EYS: variants seen among roughly 807,000 people sequenced by gnomAD.
The protein encoded by EYS is EGF-like photoreceptor maintenance factor.
Under a neutral mutation model 282.1 loss-of-function variants are expected in EYS, and 250 were observed. That is an observed-to-expected ratio of 0.89 (90% CI 0.80 to 0.98). The LOEUF (loss-of-function observed/expected upper bound fraction) is 0.98. EYS is among the 50% of genes least tolerant of loss of function. The pLI is 0.00. For synonymous variants in EYS, 1,355 were observed against 1,282.9 expected, an observed-to-expected ratio of 1.06 and a Z score of -1.20; for missense variants, 4,016 against 3,709.0, an observed-to-expected ratio of 1.08 and a Z score of -2.15.
intron 28 of EYS, among the ~76,000 whole-genome samples, chr6:64,408,924 G>T (rs927059137): frequency 6.6e-6 from 1 of 152,120 alleles, no homozygotes; most frequent in African/African-American, 2.4e-5. Flanking sequence ...CCAATAGGAA[G>T]ATTTTCATTC....
At chr6:63,933,840 C>T (rs1201403435) in intron 35 of EYS, among the ~76,000 whole-genome samples, 1 of 152,074 alleles carries the variant, frequency 6.6e-6, no homozygotes, top group African/African-American at 2.4e-5. Context: ...GAGAGAGAGA[C>T]ACACACACAT....
intron 11 of EYS, chr6:65,331,355 T>A (rs1769790470): frequency 2.2e-5 from 16 of 734,156 alleles, no homozygotes; most frequent in Non-Finnish European, 2.5e-5. Flanking sequence ...AGGGTCTTTT[T>A]AATGGAGAAT....
chr6:63,723,750 A>G (rs1446358471), intron 42 of EYS, among the ~76,000 whole-genome samples: 1 of 151,178 alleles, frequency 6.6e-6, no homozygotes, highest in Non-Finnish European at 1.5e-5. Context: ...TTGCGTTAGG[A>G]TATGATGCTC....
chr6:63,955,332 C>A (rs1231769970), intron 35 of EYS, among the ~76,000 whole-genome samples: 1 of 152,170 alleles, frequency 6.6e-6, no homozygotes, highest in Non-Finnish European at 1.5e-5. Flanking sequence ...ACCACCATAA[C>A]TGATATCTCC....
At chr6:65,678,376 T>C (rs1768700171) in intron 1 of EYS, among the ~76,000 whole-genome samples, 1 of 152,000 alleles carries the variant, frequency 6.6e-6, no homozygotes. Flanking sequence ...AAAAATTGAA[T>C]TTTTTTCACA....
At chr6:64,975,355 A>T (rs1302131123) in intron 14 of EYS, among the ~76,000 whole-genome samples, 1 of 151,638 alleles carries the variant, frequency 6.6e-6, no homozygotes, top group East Asian at 1.9e-4. Context: ...CAGAGCAAAA[A>T]CTCCTTCTCT....
intron 35 of EYS, among the ~76,000 whole-genome samples, chr6:63,977,079 A>C (rs1766871057): frequency 6.6e-6 from 1 of 151,694 alleles, no homozygotes; most frequent in Non-Finnish European, 1.5e-5. Context: ...CTATAGTTTT[A>C]AAAATGGATA....
At chr6:64,499,851 T>C (rs1776986618) in intron 26 of EYS, among the ~76,000 whole-genome samples, 4 of 152,190 alleles carry the variant, frequency 2.6e-5, no homozygotes, top group Admixed American at 1.3e-4. Flanking sequence ...TCTTATAGTT[T>C]GATCATTTCT....
At chr6:65,300,487 A>C (rs970297024) in intron 11 of EYS, among the ~76,000 whole-genome samples, 1 of 152,108 alleles carries the variant, frequency 6.6e-6, no homozygotes, top group Non-Finnish European at 1.5e-5. Flanking sequence ...TTTTTTCAAA[A>C]GTTTAACATG....
chr6:65,625,212 G>A (rs553184091), intron 2 of EYS, among the ~76,000 whole-genome samples: 184 of 152,266 alleles, frequency 1.2e-3, no homozygotes, highest in Middle Eastern at 3.4e-3. Context: ...CAATCTGAGC[G>A]AGCAAGGAAA....
At chr6:64,408,528 C>T (rs1773793289) in intron 28 of EYS, among the ~76,000 whole-genome samples, 1 of 152,112 alleles carries the variant, frequency 6.6e-6, no homozygotes, top group African/African-American at 2.4e-5. Flanking sequence ...ACTTGAGCCC[C>T]AGCTGGGGTA....
chr6:65,405,913 T>A (rs1256090612), intron 5 of EYS, among the ~76,000 whole-genome samples: 1 of 152,104 alleles, frequency 6.6e-6, no homozygotes, highest in Non-Finnish European at 1.5e-5. Context: ...TATGCTTTTT[T>A]TATATTTCTT....
chr6:64,179,786 T>A (rs1198951490), intron 31 of EYS, among the ~76,000 whole-genome samples: 3 of 152,092 alleles, frequency 2.0e-5, no homozygotes, highest in Admixed American at 6.6e-5. Context: ...TAGGAGCTGA[T>A]TCTTAAGGCA....
chr6:64,872,856 G>A (rs1373752432), intron 19 of EYS, among the ~76,000 whole-genome samples: 1 of 151,980 alleles, frequency 6.6e-6, no homozygotes, highest in African/African-American at 2.4e-5. Flanking sequence ...AATGGACCAG[G>A]AAGTATAACA....
At chr6:65,335,439 C>A (rs565258389) in intron 10 of EYS, among the ~76,000 whole-genome samples, 86 of 151,902 alleles carry the variant, frequency 5.7e-4, no homozygotes, top group African/African-American at 1.8e-3. Context: ...GCCACCATAA[C>A]CCTTATCAGA....
At chr6:65,373,209 C>G (rs567235103) in intron 8 of EYS, among the ~76,000 whole-genome samples, 2 of 152,186 alleles carry the variant, frequency 1.3e-5, no homozygotes, top group African/African-American at 4.8e-5. Context: ...ACATGTTTCT[C>G]TTTGGATCCT....
chr6:64,434,948 C>T (rs567822768), intron 28 of EYS, among the ~76,000 whole-genome samples: 11 of 151,900 alleles, frequency 7.2e-5, no homozygotes, highest in Non-Finnish European at 1.5e-4. Context: ...CCATCTATGT[C>T]CTTCATGATT....
intron 11 of EYS, among the ~76,000 whole-genome samples, chr6:65,296,331 G>T (rs1255948122): frequency 1.3e-5 from 2 of 151,742 alleles, no homozygotes; most frequent in African/African-American, 2.4e-5. Context: ...AATAACTTTG[G>T]TGCTGAATAT....
At chr6:64,445,440 T>C (rs866530292) in intron 26 of EYS, among the ~76,000 whole-genome samples, 55 of 152,332 alleles carry the variant, frequency 3.6e-4, no homozygotes, top group African/African-American at 1.3e-3. Flanking sequence ...ATCTGAATTG[T>C]ATGGATTCAT....
Sources: gnomAD v4.1 joint callset for allele counts (sites outside exome capture counted in the v4.1 genomes callset) on GRCh38, gnomAD v4.1.1 for gene constraint, MANE v1.5 for transcripts, NCBI Gene and HGNC (gene_info 2026-07-23, HGNC 2026-07-21) for gene names.